Variants in EXOSC9 observed in about 807,000 individuals in gnomAD.
EXOSC9 encodes exosome complex component RRP45.
Under a neutral mutation model 56.5 loss-of-function variants are expected in EXOSC9, and 38 were observed. The ratio of observed to expected loss-of-function variants is 0.67; its 90% CI spans 0.52 to 0.88. EXOSC9 has a LOEUF of 0.88. Ranked by LOEUF, EXOSC9 falls within the 40% of genes least tolerant of loss-of-function variation. EXOSC9 has a pLI of 0.00. For synonymous variants in EXOSC9, 170 were observed against 170.8 expected (o/e 0.99, Z 0.04); for missense variants, 559 against 530.5 (o/e 1.05, Z -0.53).
chr4:121,816,009 A>C (rs1578509048), intron 10 of EXOSC9: 2 of 1,218,866 alleles, frequency 1.6e-6, no homozygotes, highest in Non-Finnish European at 2.1e-6. Flanking sequence ...TTGCTCTGTC[A>C]CCCAGACTGG....
intron 6 of EXOSC9, chr4:121,807,878 A>G (rs1727071066): frequency 7.7e-6 from 4 of 522,678 alleles, no homozygotes; most frequent in Non-Finnish European, 6.8e-6. Flanking sequence ...GGAATTTACT[A>G]TGGCATGGTA....
chr4:121,806,677 T>C (rs1489297737), intron 5 of EXOSC9, among the ~76,000 whole-genome samples: 2 of 151,990 alleles, frequency 1.3e-5, no homozygotes, highest in Non-Finnish European at 2.9e-5. Context: ...TGTTCAGTAA[T>C]GAAAAGAACT....
At chr4:121,814,636 T>C (rs1283016918) in intron 10 of EXOSC9, 1 of 152,212 alleles carries the variant, frequency 6.6e-6, no homozygotes, top group East Asian at 1.9e-4. Context: ...CCCACATGGC[T>C]AGTGAACACT....
chr4:121,812,652 G>A (rs56370449), intron 8 of EXOSC9, among the ~76,000 whole-genome samples: 19,547 of 151,952 alleles, frequency 0.13, 3,437 homozygotes, highest in African/African-American at 0.4. Flanking sequence ...CACCATGCCC[G>A]GCTAATTTTT....
At chr4:121,813,457 G>A (rs1316893370) in intron 9 of EXOSC9, 77 bp downstream of exon 9, 3 of 1,286,306 alleles carry the variant, frequency 2.3e-6, no homozygotes, top group Non-Finnish European at 3.3e-6. Flanking sequence ...TATGAAGGAT[G>A]TGTATACTGA....
intron 2 of EXOSC9, among the ~76,000 whole-genome samples, chr4:121,802,382 G>A (rs145355659): frequency 6.6e-6 from 1 of 152,140 alleles, no homozygotes; most frequent in Non-Finnish European, 1.5e-5. Flanking sequence ...ATGCCATCTT[G>A]TATCAATAAA....
In EXOSC9 at chr4:121,810,055, T is replaced by C. The variant is rs1456768462; in HGVS notation, c.694T>C (p.Cys232Arg). 6.2e-7 allele frequency: 1 copy of C among 1,614,070 alleles called. No homozygotes were observed. Among genetic ancestry groups the C allele is most frequent in the Non-Finnish European group, 8.5e-7 (1 of 1,179,898 alleles). The change falls in exon 7 of 12, where the codon TGT (cysteine) becomes CGT (arginine). Residue 232 changes from cysteine (C) to arginine (R), a missense_variant. Transcript: ENST00000243498. Reference protein sequence around the residue: ...VIAMNKHREICTIQSSGGIML... With the variant: ...VIAMNKHREIRTIQSSGGIML... ...TGCCATGAACAAACATCGAGAGATTTGTACTATCCAGTCCAGTGGTGGGAT... is the reference window on the plus strand; with the variant it reads ...TGCCATGAACAAACATCGAGAGATTCGTACTATCCAGTCCAGTGGTGGGAT...
intron 2 of EXOSC9, among the ~76,000 whole-genome samples, chr4:121,802,262 G>A (rs1350424236): frequency 6.6e-6 from 1 of 152,156 alleles, no homozygotes; most frequent in Non-Finnish European, 1.5e-5. Flanking sequence ...TTTCCTGAGT[G>A]ACATGAAAAT....
intron 10 of EXOSC9, chr4:121,814,972 G>C (rs1455443375): frequency 1.3e-5 from 2 of 152,172 alleles, no homozygotes; most frequent in African/African-American, 4.8e-5. Context: ...GAAAATTGAA[G>C]GTGATGTGTT....
intron 11 of EXOSC9, 124 bp downstream of exon 11, chr4:121,816,571 A>G (rs1411625753): frequency 2.5e-6 from 2 of 804,164 alleles, no homozygotes; most frequent in Admixed American, 3.2e-5. Context: ...TTTTCATTAG[A>G]GATCCATCTG....
intron 6 of EXOSC9, among the ~76,000 whole-genome samples, chr4:121,809,537 G>A (rs992384533): frequency 2.2e-4 from 33 of 151,998 alleles, no homozygotes; most frequent in Non-Finnish European, 4.1e-4. Flanking sequence ...CAAATGTACC[G>A]GACAGTGCAG....
In EXOSC9 at chr4:121,810,064, C is replaced by T. The variant is rs1171272693; in HGVS notation, c.703C>T (p.Gln235Ter). The change falls in exon 7 of 12, where the codon CAG (glutamine) becomes TAG (stop). Residue 235 changes from glutamine to a stop codon, truncating the protein, a stop_gained. Transcript: ENST00000243498. LOFTEE classifies it high-confidence loss of function. The stretch of plus-strand genomic sequence containing the variant: ...CAAACATCGAGAGATTTGTACTATC[C>T]AGTCCAGTGGTGGGATAATGCTACT... Reference protein sequence around the residue: ...MNKHREICTIQSSGGIMLLKD... With the variant: ...MNKHREICTI The T allele has an allele frequency of 6.2e-7, 1 of 1,613,830 alleles. No homozygotes were observed. Among genetic ancestry groups the T allele is most frequent in the Non-Finnish European group, 8.5e-7 (1 of 1,179,734 alleles).
At chr4:121,806,744 G>A (rs1026225728) in intron 5 of EXOSC9, among the ~76,000 whole-genome samples, 7 of 151,976 alleles carry the variant, frequency 4.6e-5, no homozygotes, top group Non-Finnish European at 8.8e-5. Flanking sequence ...AAGAAGCCAG[G>A]CACAAAACAT....
chr4:121,816,326 G>T lies in EXOSC9; in HGVS notation c.1157-43G>T, dbSNP rs767783960. ...GTAGAAATAAATTTTGCAAGAGATT[G>T]CTTAACTTTTTTTTTTTTTTTTAAA... is the stretch of plus-strand genomic sequence containing the variant. On this transcript the variant is annotated intron_variant, in intron 10 of 11. Coordinates refer to ENST00000243498, the MANE Select transcript of EXOSC9 (RefSeq NM_005033.3). 12 of 1,067,408 alleles carry T rather than the reference G, an allele frequency of 1.1e-5. No individual in the cohort carries two copies. In the African/African-American group the frequency reaches 1.7e-4, roughly 16 times the overall value. The allele number at this position is 1,067,408 out of a possible 1,614,324, so 66.1% of individuals were successfully genotyped here. A position where few individuals can be genotyped will look rare whatever the true frequency, so the allele number is the denominator to read the frequency against.
rs1726851557 is a variant in EXOSC9, at chr4:121,801,344, G to T, written c.-81G>T. ...TGACGTAATTTTCCTGCGCCTCGGG[G>T]CGAGCAGCGGCGCGCAAGGAAAGAT... is the stretch of plus-strand genomic sequence containing the variant. On this transcript the variant is annotated 5_prime_UTR_variant, in exon 1 of 12. Transcript: ENST00000243498. The T allele has an allele frequency of 2.9e-6, 4 of 1,369,770 alleles. No individual in the cohort carries two copies. The South Asian group carries it at 3.5e-5, about 12-fold the overall frequency. 84.9% of individuals were successfully genotyped at this position (1,369,770 alleles called of 1,614,324 possible).
In EXOSC9 at chr4:121,802,406, G is replaced by C. The variant is rs567615548; in HGVS notation, c.162-268G>C. Among the ~76,000 whole-genome samples the C allele has an allele frequency of 2.6e-5, 4 of 152,278 alleles. No homozygotes were observed. In the South Asian group the frequency reaches 8.3e-4, roughly 32 times the overall value. On this transcript the variant is annotated intron_variant, in intron 2 of 11. Coordinates refer to ENST00000243498, the MANE Select transcript of EXOSC9 (RefSeq NM_005033.3). ...TGTATCAATAAATACTTGCTTTAGAGGTAAAGGTCACTGATTTTTAAAACA... is the reference window on the plus strand; with the variant it reads ...TGTATCAATAAATACTTGCTTTAGACGTAAAGGTCACTGATTTTTAAAACA...
intron 2 of EXOSC9, 34 bp downstream of exon 2, chr4:121,801,955 G>C (rs752423622): frequency 6.2e-6 from 9 of 1,456,242 alleles, no homozygotes; most frequent in Admixed American, 5.0e-5. Context: ...ACATTCGGAA[G>C]GGAGAAGTTT....
chr4:121,802,255 C>T (rs114758807), intron 2 of EXOSC9, among the ~76,000 whole-genome samples: 2,441 of 152,224 alleles, frequency 0.016, 87 homozygotes, highest in African/African-American at 0.056. Flanking sequence ...CTTTCTTTTT[C>T]CTGAGTGACA....
intron 10 of EXOSC9, chr4:121,816,106 C>A (rs1436375685): frequency 3.1e-6 from 2 of 639,484 alleles, no homozygotes; most frequent in South Asian, 2.1e-5. Context: ...CAAGCACATG[C>A]CACCACGCCT....
Sources: allele counts gnomAD v4.1 joint callset (sites outside exome capture counted in the v4.1 genomes callset), GRCh38; gene constraint gnomAD v4.1.1; transcripts MANE v1.5; gene names NCBI Gene and HGNC (gene_info 2026-07-23, HGNC 2026-07-21).